PIK3CD: variants seen among roughly 807,000 people sequenced by gnomAD.
The protein encoded by PIK3CD is phosphatidylinositol-4,5-bisphosphate 3-kinase catalytic subunit delta, also known as phosphatidylinositol 4,5-bisphosphate 3-kinase catalytic subunit delta isoform.
In PIK3CD, 20 loss-of-function variants were observed where a neutral mutation model predicts 122.9. The observed-to-expected ratio is 0.16, with a 90% confidence interval of 0.11 to 0.24. The LOEUF (loss-of-function observed/expected upper bound fraction) is 0.24. Ranked by LOEUF, PIK3CD falls within the 10% of genes least tolerant of loss-of-function variation. PIK3CD has a pLI of 1.00. For synonymous variants in PIK3CD, 596 were observed against 593.4 expected, an observed-to-expected ratio of 1.00 and a Z score of -0.06; for missense variants, 787 against 1,406.3, an observed-to-expected ratio of 0.56 and a Z score of 7.04.
the PIK3CD span, among the ~76,000 whole-genome samples, chr1:9,627,859 C>T: frequency 6.6e-6 from 1 of 152,176 alleles, no homozygotes; most frequent in Non-Finnish European, 1.5e-5. Flanking sequence ...TTTCTAGTTC[C>T]GCAGCCCCGC....
At chr1:9,676,197 T>C (rs1363709050) in intron 1 of PIK3CD, among the ~76,000 whole-genome samples, 3 of 152,168 alleles carry the variant, frequency 2.0e-5, no homozygotes, top group Non-Finnish European at 4.4e-5. Flanking sequence ...CCCAAAGTGC[T>C]GGGATTAGAG....
In PIK3CD at chr1:9,666,227, CTTTTTTTTTTTTTTTT is replaced by C. The variant is rs573382597; in HGVS notation, c.-138+14441_-138+14456del. 3.8e-3 allele frequency among the ~76,000 whole-genome samples: 168 copies of C among 44,206 alleles called. 2 individuals carry two copies. The highest frequency in any genetic ancestry group is 0.014 in the Middle Eastern group (1 of 74). The allele number at this position is 44,206 out of a possible 152,430, so 29.0% of individuals were successfully genotyped here. On this transcript the variant is annotated intron_variant, in intron 1 of 23. Coordinates refer to ENST00000377346, the MANE Select transcript of PIK3CD (RefSeq NM_005026.5). ...ACAGGCATGAGCCACCGCGCCCGGT[CTTTTTTTTTTTTTTTT>C]TTTTTTTTTTTTTTTGAGGTGGAGT...
intron 2 of PIK3CD, among the ~76,000 whole-genome samples, chr1:9,707,706 T>G (rs1646891827): frequency 6.6e-6 from 1 of 152,100 alleles, no homozygotes; most frequent in Admixed American, 6.6e-5. Context: ...AATTGTGGCT[T>G]CTTTACACAA....
At chr1:9,697,901 G>A (rs373767021) in intron 2 of PIK3CD, among the ~76,000 whole-genome samples, 4 of 152,060 alleles carry the variant, frequency 2.6e-5, no homozygotes, top group Non-Finnish European at 5.9e-5. Flanking sequence ...GTGTGGTGGC[G>A]TGCACCTGTA....
chr1:9,726,373 G>T (rs1649608037), intron 23 of PIK3CD, among the ~76,000 whole-genome samples: 1 of 152,108 alleles, frequency 6.6e-6, no homozygotes, highest in African/African-American at 2.4e-5. Context: ...GCCAGGTGTG[G>T]TGGCGGCTGC....
In PIK3CD at chr1:9,717,794, G is replaced by C. The variant is rs1420200041; in HGVS notation, c.1020+168G>C. On this transcript the variant is annotated intron_variant, in intron 8 of 23. Coordinates refer to ENST00000377346, the MANE Select transcript of PIK3CD (RefSeq NM_005026.5). The surrounding 1 kb of genome is among the most constrained non-coding windows in gnomAD (Gnocchi z 5.4). ...GTGAGCGGCTTGAAAACAGGAAGTGGGGAGGGGGTGGGCCAGCCGGCCCTG... is the reference window on the plus strand; with the variant it reads ...GTGAGCGGCTTGAAAACAGGAAGTGCGGAGGGGGTGGGCCAGCCGGCCCTG... Among the ~76,000 whole-genome samples the C allele has an allele frequency of 6.6e-6, 1 of 152,252 alleles. No homozygotes were observed. Among genetic ancestry groups the C allele is most frequent in the Non-Finnish European group, 1.5e-5 (1 of 68,044 alleles).
At position 9,728,626 on chromosome 1, in the gene PIK3CD, T is replaced by C. The variant is rs1650065836; in HGVS notation, c.*1580T>C. 1 of 152,270 alleles carries C rather than the reference T, an allele frequency of 6.6e-6. No individual in the cohort carries two copies. Among genetic ancestry groups the C allele is most frequent in the African/African-American group, 2.4e-5 (1 of 41,472 alleles). The allele number at this position is 152,270 out of a possible 1,614,324, so 9.4% of individuals were successfully genotyped here. ...TGGCCACACGCCTGTTCCCAGCAAG[T>C]GCTGAAACTCACTAGACCGTCTGCC... On this transcript the variant is annotated 3_prime_UTR_variant, in exon 24 of 24. Coordinates refer to ENST00000377346, the MANE Select transcript of PIK3CD (RefSeq NM_005026.5).
chr1:9,715,698 G>T lies in PIK3CD; in HGVS notation c.299G>T (p.Arg100Leu), dbSNP rs766022415. 1 of 1,613,614 alleles carries T rather than the reference G, an allele frequency of 6.2e-7. No homozygotes were observed. The highest frequency in any genetic ancestry group is 1.1e-5 in the South Asian group (1 of 91,080). ...GTGCAGCCCTTCCTGCCCGTCCTGC[G>T]CCTGGTGGCCCGTGAGGGCGACCGC... ...CDVQPFLPVL[R>L]LVAREGDRVK... The change falls in exon 4 of 24, where the codon CGC becomes CTC. Residue 100 changes from arginine (R) to leucine (L), a missense_variant. Physicochemically the swap from Arg to Leu is moderately radical, Grantham distance 102. Transcript: ENST00000377346. The surrounding 1 kb of genome is among the most constrained non-coding windows in gnomAD (Gnocchi z 4.1).
chr1:9,679,560 C>T (rs1412077246), intron 1 of PIK3CD, among the ~76,000 whole-genome samples: 1 of 152,260 alleles, frequency 6.6e-6, no homozygotes, highest in East Asian at 1.9e-4. Flanking sequence ...GTTAGCCGCC[C>T]TTAGCCCATG....
At position 9,716,538 on chromosome 1, in the gene PIK3CD, G is replaced by C; in HGVS notation, c.699G>C (p.Val233=). 6.2e-7 allele frequency: 1 copy of C among 1,608,992 alleles called. No homozygotes were observed. Among genetic ancestry groups the C allele is most frequent in the South Asian group, 1.1e-5 (1 of 90,770 alleles). The stretch of plus-strand genomic sequence containing the variant: ...CCACAGTGTTCCGGCAGCCGCTGGT[G>C]GAGCAGCCGGAAGACTACACGCTGC... ...KKATVFRQPL[V]EQPEDYTLQV... is the part of the protein sequence containing the mutation. The change falls in exon 6 of 24, where the codon GTG becomes GTC. Residue 233 remains valine (V), a synonymous_variant. Coordinates refer to ENST00000377346, the MANE Select transcript of PIK3CD (RefSeq NM_005026.5).
chr1:9,721,905 C>T (rs774676556), intron 16 of PIK3CD, 45 bp downstream of exon 16: 4 of 1,611,426 alleles, frequency 2.5e-6, no homozygotes, highest in East Asian at 4.5e-5. Flanking sequence ...CGGCCCTGAG[C>T]GTCTGGGAAT....
At position 9,720,567 on chromosome 1, in the gene PIK3CD, T is replaced by C; in HGVS notation, c.1471-44T>C. On this transcript the variant is annotated intron_variant, in intron 11 of 23. Transcript: ENST00000377346. This position sits in a 1 kb window ranked among gnomAD's most constrained non-coding sequence, Gnocchi z 9.0. Reference sequence around the variant, plus strand: ...CCCGGCCTGGGGGTCCTGCCCGGGCTGGTCCAGGCCCCTGGGGACGCTGAG... The same window carrying C: ...CCCGGCCTGGGGGTCCTGCCCGGGCCGGTCCAGGCCCCTGGGGACGCTGAG... 6.5e-7 allele frequency: 1 copy of C among 1,548,632 alleles called. No homozygotes were observed. Among genetic ancestry groups the C allele is most frequent in the Middle Eastern group, 1.7e-4 (1 of 5,810 alleles).
At position 9,717,908 on chromosome 1, in the gene PIK3CD, C is replaced by T. The variant is rs879479303; in HGVS notation, c.1020+282C>T. On this transcript the variant is annotated intron_variant, in intron 8 of 23. Transcript: ENST00000377346. The surrounding 1 kb of genome is among the most constrained non-coding windows in gnomAD (Gnocchi z 5.4). Reference sequence around the variant, plus strand: ...TGGGGCCAGGTTCAGCCCAGGGATCCGGGACCGCAGAGCTGGGGGAAGGGC... The same window carrying T: ...TGGGGCCAGGTTCAGCCCAGGGATCTGGGACCGCAGAGCTGGGGGAAGGGC... Among the ~76,000 whole-genome samples the T allele has an allele frequency of 6.6e-5, 10 of 152,038 alleles. No individual in the cohort carries two copies. The highest frequency in any genetic ancestry group is 1.3e-4 in the Admixed American group (2 of 15,260).
intron 1 of PIK3CD, among the ~76,000 whole-genome samples, chr1:9,677,085 G>A (rs976815711): frequency 2.0e-4 from 30 of 152,162 alleles, no homozygotes; most frequent in Non-Finnish European, 5.9e-5. Flanking sequence ...GATCTCACGA[G>A]GATAGGTGGA....
At position 9,715,765 on chromosome 1, in the gene PIK3CD, C is replaced by T; in HGVS notation, c.366C>T (p.Gly122=). The T allele has an allele frequency of 6.2e-7, 1 of 1,613,150 alleles. No individual in the cohort carries two copies. The highest frequency in any genetic ancestry group is 2.2e-5 in the East Asian group (1 of 44,876). ...ACTCACAGATCAGCCTCCTCATCGGCAAAGGTAGCTCTGCCGAGTGGGCCG... is the reference window on the plus strand; with the variant it reads ...ACTCACAGATCAGCCTCCTCATCGGTAAAGGTAGCTCTGCCGAGTGGGCCG... ...LINSQISLLI[G]KGLHEFDSLC... The change falls in exon 4 of 24, where the codon GGC becomes GGT. Residue 122 remains glycine, a synonymous_variant. Coordinates refer to ENST00000377346, the MANE Select transcript of PIK3CD (RefSeq NM_005026.5). This position sits in a 1 kb window ranked among gnomAD's most constrained non-coding sequence, Gnocchi z 4.1.
chr1:9,667,949 C>T (rs531990575), intron 1 of PIK3CD, among the ~76,000 whole-genome samples: 77 of 124,784 alleles, frequency 6.2e-4, no homozygotes, highest in African/African-American at 2.3e-3. Context: ...GACAGGGTTT[C>T]GCCATGTTGC....
intron 1 of PIK3CD, among the ~76,000 whole-genome samples, chr1:9,690,859 G>A (rs779748285): frequency 1.3e-5 from 2 of 152,170 alleles, no homozygotes; most frequent in South Asian, 2.1e-4. Flanking sequence ...GTTGGGAGAA[G>A]GGGTTGGGTC....
intron 1 of PIK3CD, among the ~76,000 whole-genome samples, chr1:9,664,719 G>C (rs1356109739): frequency 1.3e-5 from 2 of 152,150 alleles, no homozygotes; most frequent in African/African-American, 4.8e-5. Context: ...TCATCATAGT[G>C]CCAGAGTCAG....
the PIK3CD span, among the ~76,000 whole-genome samples, chr1:9,627,757 C>T: frequency 6.6e-6 from 1 of 152,188 alleles, no homozygotes; most frequent in Non-Finnish European, 1.5e-5. Context: ...TCCCTGCTGG[C>T]CCCGGGTGCT....
Sources: allele counts gnomAD v4.1 joint callset (sites outside exome capture counted in the v4.1 genomes callset), GRCh38; gene constraint gnomAD v4.1.1; non-coding constraint Gnocchi (gnomAD v3.1); transcripts MANE v1.5; gene names NCBI Gene and HGNC (gene_info 2026-07-23, HGNC 2026-07-21).